Variants in PRKACB observed in about 807,000 individuals in gnomAD.
PRKACB encodes cAMP-dependent protein kinase catalytic subunit beta.
In PRKACB, 16 loss-of-function variants were observed where a neutral mutation model predicts 51.4. The ratio of observed to expected loss-of-function variants is 0.31; its 90% confidence interval spans 0.21 to 0.47. PRKACB has a LOEUF of 0.47. Among genes scored for constraint, PRKACB ranks in the 20% least tolerant of loss-of-function variants. The probability of loss-of-function intolerance (pLI) is 1.00; values close to 1 mark genes in which losing one functional copy is unlikely to be tolerated. For missense variants in PRKACB, 309 were observed against 464.5 expected (o/e 0.67, Z 3.08); for synonymous variants, 147 against 154.4 (o/e 0.95, Z 0.35).
chr1:84,181,727 A>T, intron 2 of PRKACB: 1 of 1,510,854 alleles, frequency 6.6e-7, no homozygotes, highest in Admixed American at 2.0e-5. Context: ...ATTTCTTCAC[A>T]GGTAACTTTA....
At chr1:84,201,153 T>C (rs1306341255) in intron 7 of PRKACB, among the ~76,000 whole-genome samples, 2 of 152,152 alleles carry the variant, frequency 1.3e-5, no homozygotes. Context: ...AAAGTTATTA[T>C]GCCATTTTAC....
intron 1 of PRKACB, chr1:84,086,240 A>G: frequency 2.5e-6 from 4 of 1,571,508 alleles, no homozygotes; most frequent in Non-Finnish European, 3.5e-6. Flanking sequence ...CTGACAAGCA[A>G]GGACAAGTCC....
At chr1:84,090,588 T>C (rs1557910632) in intron 1 of PRKACB, among the ~76,000 whole-genome samples, 2 of 152,198 alleles carry the variant, frequency 1.3e-5, no homozygotes, top group Non-Finnish European at 1.5e-5. Flanking sequence ...TGATGCTGGC[T>C]GTACAGGTAA....
chr1:84,131,584 T>TA (rs1311803910), intron 1 of PRKACB, among the ~76,000 whole-genome samples: 1 of 152,116 alleles, frequency 6.6e-6, no homozygotes, highest in East Asian at 1.9e-4. Context: ...AAGATAAAGC[T>TA]AAAAAATTGA....
intron 1 of PRKACB, among the ~76,000 whole-genome samples, chr1:84,152,615 G>C (rs1453109264): frequency 1.3e-5 from 2 of 152,144 alleles, no homozygotes; most frequent in Non-Finnish European, 2.9e-5. Context: ...TATAGAAAGG[G>C]CTTCTTTCCT....
chr1:84,222,522 A>G (rs374995203), intron 9 of PRKACB, among the ~76,000 whole-genome samples: 8 of 151,894 alleles, frequency 5.3e-5, no homozygotes, highest in African/African-American at 1.2e-4. Flanking sequence ...ATTGTTTATC[A>G]TTATAGTTTG....
intron 9 of PRKACB, among the ~76,000 whole-genome samples, chr1:84,218,562 G>C (rs955213864): frequency 1.3e-5 from 2 of 152,100 alleles, no homozygotes; most frequent in Non-Finnish European, 2.9e-5. Context: ...TGTGTTGAAG[G>C]ACACTTAGGT....
chr1:84,085,369 A>G lies in PRKACB; in HGVS notation c.46+6998A>G, dbSNP rs367908091. On this transcript the variant is annotated intron_variant, in intron 1 of 8. Coordinates refer to the PRKACB transcript ENST00000370688. ...GAAAAATCTAAATTGTCTTTTTTCTAATACATTCTAATATCTCACTTTGGA... is the reference window on the plus strand; with the variant it reads ...GAAAAATCTAAATTGTCTTTTTTCTGATACATTCTAATATCTCACTTTGGA... Among the ~76,000 whole-genome samples, 3 of 152,184 alleles carry G rather than the reference A, an allele frequency of 2.0e-5. No homozygotes were observed. In the East Asian group the frequency reaches 5.8e-4, roughly 29 times the overall value.
At chr1:84,081,392 C>T (rs1316354323) in intron 1 of PRKACB, among the ~76,000 whole-genome samples, 1 of 152,070 alleles carries the variant, frequency 6.6e-6, no homozygotes, top group Non-Finnish European at 1.5e-5. Context: ...TGTTGTTCTG[C>T]TGTAGTGAAT....
In PRKACB at chr1:84,144,312, C is replaced by G; in HGVS notation, c.-50C>G. 6.3e-7 allele frequency: 1 copy of G among 1,589,886 alleles called. No homozygotes were observed. Among genetic ancestry groups the G allele is most frequent in the Non-Finnish European group, 8.5e-7 (1 of 1,172,236 alleles). ...GCTTCTGTGTAAGAAGTTGTGAGCTCCTTCTGGAAACATTTGCAGTTACAT... is the reference window on the plus strand; with the variant it reads ...GCTTCTGTGTAAGAAGTTGTGAGCTGCTTCTGGAAACATTTGCAGTTACAT... On this transcript the variant is annotated 5_prime_UTR_variant, in exon 1 of 10. Coordinates refer to ENST00000370685, the MANE Select transcript of PRKACB (RefSeq NM_182948.4).
chr1:84,173,236 G>C, intron 1 of PRKACB: 1 of 834,242 alleles, frequency 1.2e-6, no homozygotes, highest in Non-Finnish European at 1.9e-6. Context: ...ATTTCTATGT[G>C]CAGTACAGTA....
At chr1:84,142,400 C>G (rs1462543539), upstream of PRKACB, among the ~76,000 whole-genome samples, 1 of 152,114 alleles carries the variant, frequency 6.6e-6, no homozygotes, top group Non-Finnish European at 1.5e-5. Context: ...TCCACTTCTT[C>G]CCTTACAGAA....
At chr1:84,154,120 A>G (rs1411365039) in intron 1 of PRKACB, among the ~76,000 whole-genome samples, 1 of 152,142 alleles carries the variant, frequency 6.6e-6, no homozygotes, top group East Asian at 1.9e-4. Flanking sequence ...CCTCATGAGT[A>G]GTGATGTTGA....
chr1:84,142,714 A>G (rs1226520802), upstream of PRKACB, among the ~76,000 whole-genome samples: 1 of 152,216 alleles, frequency 6.6e-6, no homozygotes, highest in East Asian at 1.9e-4. Context: ...CTATAAATTT[A>G]AGTTTATCTT....
chr1:84,171,156 A>G (rs1361449283), intron 1 of PRKACB, among the ~76,000 whole-genome samples: 1 of 151,686 alleles, frequency 6.6e-6, no homozygotes, highest in Non-Finnish European at 1.5e-5. Flanking sequence ...ACTATGTATC[A>G]GAACTTGTGG....
chr1:84,211,054 GAT>G (rs1374519446), intron 8 of PRKACB, among the ~76,000 whole-genome samples: 3 of 151,496 alleles, frequency 2.0e-5, no homozygotes, highest in Non-Finnish European at 4.4e-5. Context: ...AGGTGAGGAG[GAT>G]ATGTCTATGA....
chr1:84,133,731 G>A (rs1386921883), intron 1 of PRKACB, among the ~76,000 whole-genome samples: 4 of 152,228 alleles, frequency 2.6e-5, no homozygotes, highest in Non-Finnish European at 5.9e-5. Flanking sequence ...TCTGGGCACT[G>A]CCAGGAGCCA....
chr1:84,204,895 G>A, intron 8 of PRKACB: 1 of 982,032 alleles, frequency 1.0e-6, no homozygotes, highest in South Asian at 4.7e-5. Flanking sequence ...TTCTCTATTG[G>A]TTAAATTTTA....
intron 2 of PRKACB, among the ~76,000 whole-genome samples, chr1:84,180,222 AC>A (rs1466020453): frequency 1.5e-5 from 2 of 132,772 alleles, no homozygotes; most frequent in African/African-American, 2.7e-5. Flanking sequence ...ATGATGGAGT[AC>A]TATGCAGCCA....
Sources: allele counts gnomAD v4.1 joint callset (sites outside exome capture counted in the v4.1 genomes callset), GRCh38; gene constraint gnomAD v4.1.1; transcripts MANE v1.5; gene names NCBI Gene and HGNC (gene_info 2026-07-23, HGNC 2026-07-21).